MALRD1: variants seen among roughly 807,000 people sequenced by gnomAD.
MALRD1 encodes the protein MAM and LDL-receptor class A domain-containing protein 1.
MALRD1 carries 247 observed loss-of-function variants against 242.1 expected under a neutral mutation model. The observed-to-expected ratio is 1.02, with a 90% CI of 0.92 to 1.13. The LOEUF (loss-of-function observed/expected upper bound fraction) is 1.13, where lower values mean the gene tolerates loss of function less well. Ranked by LOEUF, MALRD1 falls within the 50% of genes most tolerant of loss-of-function variation. The pLI, the probability that MALRD1 is intolerant of heterozygous loss-of-function variation, is 0.00. For synonymous variants in MALRD1, 995 were observed against 866.6 expected, an observed-to-expected ratio of 1.15 and a Z score of -2.60; for missense variants, 2,989 against 2,533.1, an observed-to-expected ratio of 1.18 and a Z score of -3.86.
At chr10:19,135,994 G>T (rs138295875) in intron 9 of MALRD1, among the ~76,000 whole-genome samples, 207 of 152,238 alleles carry the variant, frequency 1.4e-3, no homozygotes, top group African/African-American at 4.4e-3. Context: ...TCTCATTAAA[G>T]AAATTACTCT....
chr10:19,122,876 C>T (rs998511175), intron 5 of MALRD1, among the ~76,000 whole-genome samples: 2 of 152,076 alleles, frequency 1.3e-5, no homozygotes, highest in Admixed American at 6.5e-5. Context: ...TGGATGCCTG[C>T]CACCACGCCC....
At chr10:19,202,156 G>A (rs995161263) in intron 14 of MALRD1, among the ~76,000 whole-genome samples, 2 of 151,868 alleles carry the variant, frequency 1.3e-5, no homozygotes, top group Admixed American at 6.6e-5. Context: ...CTTTCATTTC[G>A]CTTGTTTCTA....
intron 18 of MALRD1, among the ~76,000 whole-genome samples, chr10:19,214,337 T>C (rs1447974429): frequency 6.6e-6 from 1 of 152,210 alleles, no homozygotes. Context: ...TGAGACTGAC[T>C]TTACAGCGTC....
chr10:19,544,693 C>T (rs979582764), intron 32 of MALRD1, among the ~76,000 whole-genome samples: 1 of 152,026 alleles, frequency 6.6e-6, no homozygotes, highest in Non-Finnish European at 1.5e-5. Context: ...TGGCCTGAAT[C>T]ATCCTCTCTA....
At chr10:19,304,316 ATGTC>A (rs1842075725) in intron 21 of MALRD1, among the ~76,000 whole-genome samples, 1 of 149,988 alleles carries the variant, frequency 6.7e-6, no homozygotes. Context: ...GATTCCCACA[ATGTC>A]TGTCTGTCTA....
chr10:19,698,752 C>T (rs2131840794), intron 38 of MALRD1, among the ~76,000 whole-genome samples: 1 of 152,210 alleles, frequency 6.6e-6, no homozygotes, highest in South Asian at 2.1e-4. Context: ...GAAAACGTTG[C>T]TAGGAGTGTA....
At chr10:19,638,678 T>C (rs1311282688) in intron 36 of MALRD1, among the ~76,000 whole-genome samples, 1 of 152,182 alleles carries the variant, frequency 6.6e-6, no homozygotes, top group Non-Finnish European at 1.5e-5. Flanking sequence ...CAAGCAATCC[T>C]GCACCAGAGC....
intron 28 of MALRD1, among the ~76,000 whole-genome samples, chr10:19,449,732 G>T (rs942836727): frequency 3.3e-5 from 5 of 152,034 alleles, no homozygotes; most frequent in Non-Finnish European, 7.4e-5. Flanking sequence ...ATAACTATTT[G>T]GTACTATGCT....
chr10:19,211,197 C>CG (rs757428954), intron 18 of MALRD1, among the ~76,000 whole-genome samples: 10 of 151,996 alleles, frequency 6.6e-5, no homozygotes, highest in Non-Finnish European at 8.8e-5. Context: ...GCCAGATCGA[C>CG]GTGGGACTAA....
At chr10:19,117,925 A>C (rs1003595736) in intron 5 of MALRD1, among the ~76,000 whole-genome samples, 2 of 151,802 alleles carry the variant, frequency 1.3e-5, no homozygotes, top group Non-Finnish European at 2.9e-5. Context: ...AGTTTTTTAG[A>C]TAGTCGTGTG....
chr10:19,631,668 T>A (rs1358937189), intron 36 of MALRD1, among the ~76,000 whole-genome samples: 1 of 152,210 alleles, frequency 6.6e-6, no homozygotes, highest in Non-Finnish European at 1.5e-5. Context: ...TTTTTTGACT[T>A]TTTAATAATA....
chr10:19,169,996 G>A (rs1324479419), intron 13 of MALRD1, among the ~76,000 whole-genome samples: 1 of 152,138 alleles, frequency 6.6e-6, no homozygotes, highest in Non-Finnish European at 1.5e-5. Flanking sequence ...GATTCAGTGT[G>A]GTTCTTTTGA....
At chr10:19,469,316 T>C (rs1285684515) in intron 29 of MALRD1, among the ~76,000 whole-genome samples, 1 of 152,196 alleles carries the variant, frequency 6.6e-6, no homozygotes, top group Admixed American at 6.5e-5. Context: ...TCTCTTCTGC[T>C]AGAGGAAGTC....
chr10:19,051,195 T>C (rs940928069), intron 1 of MALRD1, among the ~76,000 whole-genome samples: 2 of 152,130 alleles, frequency 1.3e-5, no homozygotes, highest in Non-Finnish European at 2.9e-5. Context: ...GAAATAGCAA[T>C]GGCCAAGCAG....
chr10:19,562,616 A>G (rs1277586956), intron 32 of MALRD1, among the ~76,000 whole-genome samples: 1 of 152,022 alleles, frequency 6.6e-6, no homozygotes, highest in African/African-American at 2.4e-5. Context: ...CTTCAGTTTT[A>G]GAGGCAGCAG....
chr10:19,306,095 ATACTAGATAG>A (rs1842173126), intron 21 of MALRD1, among the ~76,000 whole-genome samples: 1 of 116,252 alleles, frequency 8.6e-6, no homozygotes, highest in Non-Finnish European at 1.7e-5. Context: ...TATATACTAT[ATACTAGATAG>A]TATATATATA....
At chr10:19,050,021 G>A (rs1056781167) in intron 1 of MALRD1, among the ~76,000 whole-genome samples, 8 of 151,698 alleles carry the variant, frequency 5.3e-5, no homozygotes, top group African/African-American at 9.7e-5. Context: ...CTATTGGTGC[G>A]GTTAATTATC....
intron 34 of MALRD1, among the ~76,000 whole-genome samples, chr10:19,606,337 G>A (rs1838623219): frequency 6.6e-6 from 1 of 152,062 alleles, no homozygotes; most frequent in Non-Finnish European, 1.5e-5. Flanking sequence ...ACTTTTAGTA[G>A]CAGGTTTGGA....
Position 19,734,176 on chromosome 10 carries a change from C to T in MALRD1, c.6410C>T (p.Ser2137Leu). 1.3e-6 allele frequency: 2 copies of T among 1,535,484 alleles called. No individual in the cohort carries two copies. ...EKTESSVYSF[S>L]NPLYGTTSGS... ...CGTCAGAGTTCTGTCTATTCCTTCT[C>T]AAACCCATTATATGGCACAACATCA... The change falls in exon 40 of 40, where the codon TCA becomes TTA. Residue 2137 changes from serine to leucine, a missense_variant. Transcript: ENST00000454679.
Sources: allele counts gnomAD v4.1 joint callset (sites outside exome capture counted in the v4.1 genomes callset), GRCh38; gene constraint gnomAD v4.1.1; transcripts MANE v1.5; gene names NCBI Gene and HGNC (gene_info 2026-07-23, HGNC 2026-07-21).